Variants in CHRM2 observed in about 807,000 individuals in gnomAD.
CHRM2 encodes the protein muscarinic acetylcholine receptor M2.
In CHRM2, 8 loss-of-function variants were observed where a neutral mutation model predicts 25.0. The observed-to-expected ratio is 0.32, with a 90% CI of 0.19 to 0.58. The LOEUF (loss-of-function observed/expected upper bound fraction) is 0.58. CHRM2 is among the 20% of genes least tolerant of loss of function. The pLI is 0.88. For synonymous variants in CHRM2, 202 were observed against 205.7 expected, an observed-to-expected ratio of 0.98 and a Z score of 0.15; for missense variants, 440 against 567.1, an observed-to-expected ratio of 0.78 and a Z score of 2.28.
chr7:136,953,237 T>C (rs891042787), intron 2 of CHRM2, among the ~76,000 whole-genome samples: 2 of 152,164 alleles, frequency 1.3e-5, no homozygotes, highest in Non-Finnish European at 2.9e-5. Flanking sequence ...AAAATTAATA[T>C]ACAGTCTGAC....
intron 2 of CHRM2, chr7:136,872,113 G>A (rs12538445): frequency 6.6e-6 from 1 of 152,050 alleles, no homozygotes; most frequent in Non-Finnish European, 1.5e-5. Context: ...GGTGGGAATG[G>A]GGGAAAGTTT....
chr7:136,922,628 C>G (rs1798512716), intron 2 of CHRM2, among the ~76,000 whole-genome samples: 1 of 152,174 alleles, frequency 6.6e-6, no homozygotes, highest in African/African-American at 2.4e-5. Flanking sequence ...CTTTCCTCTG[C>G]ATCTTGGCGC....
chr7:137,003,209 AG>A (rs1804171075), intron 3 of CHRM2, among the ~76,000 whole-genome samples: 2 of 152,128 alleles, frequency 1.3e-5, no homozygotes, highest in African/African-American at 2.4e-5. Context: ...GCAGCCTGGT[AG>A]GGCTTGCTGC....
At chr7:136,988,775 T>C (rs1293953736) in intron 2 of CHRM2, among the ~76,000 whole-genome samples, 1 of 152,170 alleles carries the variant, frequency 6.6e-6, no homozygotes, top group Non-Finnish European at 1.5e-5. Context: ...TTATCTTGTG[T>C]TCTTGTCCTG....
chr7:137,005,121 T>C (rs1445211941), intron 3 of CHRM2, among the ~76,000 whole-genome samples: 2 of 152,092 alleles, frequency 1.3e-5, no homozygotes, highest in African/African-American at 4.8e-5. Context: ...CTCTGTACCC[T>C]ATACCTACAT....
At chr7:136,882,407 T>C (rs1796301851) in intron 2 of CHRM2, among the ~76,000 whole-genome samples, 2 of 150,376 alleles carry the variant, frequency 1.3e-5, no homozygotes, top group Non-Finnish European at 3.0e-5. Context: ...CCTCCCCCTC[T>C]TCACCTTCCT....
intron 3 of CHRM2, among the ~76,000 whole-genome samples, chr7:137,001,592 A>G (rs1163849134): frequency 6.6e-6 from 1 of 152,296 alleles, no homozygotes; most frequent in East Asian, 1.9e-4. Context: ...GGGGATGCAC[A>G]GACCTTTCAT....
chr7:136,874,916 G>A (rs1043448854), intron 2 of CHRM2, among the ~76,000 whole-genome samples: 6 of 151,280 alleles, frequency 4.0e-5, no homozygotes, highest in Non-Finnish European at 7.4e-5. Context: ...AGATGCCACC[G>A]AGATATCCCT....
chr7:136,924,782 A>G (rs1255605955), intron 2 of CHRM2, among the ~76,000 whole-genome samples: 2 of 151,986 alleles, frequency 1.3e-5, no homozygotes, highest in African/African-American at 4.8e-5. Flanking sequence ...GGCAGCCCCA[A>G]TTGTCATGAA....
chr7:136,989,815 CA>C (rs1448040016), intron 2 of CHRM2, among the ~76,000 whole-genome samples: 3 of 152,070 alleles, frequency 2.0e-5, no homozygotes, highest in Non-Finnish European at 4.4e-5. Flanking sequence ...CAAATTTATT[CA>C]TAGTACTTCC....
rs112659942 is a variant in CHRM2, at chr7:136,964,224, A to AAT, written c.-124-27950_-124-27949dup. Among the ~76,000 whole-genome samples the AAT allele has an allele frequency of 4.8e-3, 724 of 151,452 alleles. 3 individuals are homozygous for AAT. The highest frequency in any genetic ancestry group is 0.016 in the African/African-American group (646 of 41,336). On this transcript the variant is annotated intron_variant, in intron 2 of 3. Coordinates refer to ENST00000680005, the MANE Select transcript of CHRM2 (RefSeq NM_001006630.2). The stretch of plus-strand genomic sequence containing the variant: ...AGTTATTTGCCCTAAGAAATGGTTA[A>AAT]ATATATATATATATGTTTTTAAATG...
At chr7:136,930,898 C>CAAAAAAAAAAAAA (rs57705639) in intron 2 of CHRM2, among the ~76,000 whole-genome samples, 849 of 61,114 alleles carry the variant, frequency 0.014, 50 homozygotes, top group Non-Finnish European at 0.024. Flanking sequence ...CTCATTCTCT[C>CAAAAAAAAAAAAA]AAAAAAAAAA....
chr7:136,947,872 T>C (rs543752098), intron 2 of CHRM2, among the ~76,000 whole-genome samples: 11 of 152,294 alleles, frequency 7.2e-5, no homozygotes, highest in South Asian at 6.2e-4. Flanking sequence ...TAGGCCTTTC[T>C]GTCTTAATAG....
intron 2 of CHRM2, among the ~76,000 whole-genome samples, chr7:136,962,375 T>A (rs1236852996): frequency 6.6e-6 from 1 of 152,146 alleles, no homozygotes; most frequent in African/African-American, 2.4e-5. Context: ...CCTCAAGTGA[T>A]CAGCCTGTCT....
At chr7:136,958,372 C>T (rs1800849587) in intron 2 of CHRM2, among the ~76,000 whole-genome samples, 1 of 150,728 alleles carries the variant, frequency 6.6e-6, no homozygotes, top group African/African-American at 2.4e-5. Flanking sequence ...TTATTTTATT[C>T]ACTTCTATTT....
At chr7:136,942,882 T>G (rs1434411470) in intron 2 of CHRM2, among the ~76,000 whole-genome samples, 1 of 152,058 alleles carries the variant, frequency 6.6e-6, no homozygotes, top group Non-Finnish European at 1.5e-5. Context: ...CTTCAAAATT[T>G]TTCTTTGTCC....
Position 137,015,667 on chromosome 7 carries a change from G to C in CHRM2, c.802G>C (p.Asp268His). ...NKIQNGKAPR[D>H]PVTENCVQGE... ...AATCCAGAATGGCAAAGCCCCCAGG[G>C]ATCCTGTGACTGAAAACTGTGTTCA... Residue 268 changes from aspartate (D) to histidine (H), a missense_variant, in exon 4 of 4, where the codon GAT (aspartate) becomes CAT (histidine). By Grantham distance (81) the Asp-to-His change is moderately conservative. Coordinates refer to ENST00000680005, the MANE Select transcript of CHRM2 (RefSeq NM_001006630.2). The surrounding 1 kb of genome is among the most constrained non-coding windows in gnomAD (Gnocchi z 5.1). The C allele has an allele frequency of 6.2e-7, 1 of 1,613,040 alleles. No homozygotes were observed.
intron 2 of CHRM2, chr7:136,938,466 G>A (rs1799549644): frequency 8.6e-7 from 1 of 1,164,412 alleles, no homozygotes; most frequent in African/African-American, 1.5e-5. Flanking sequence ...TCCCCTGGAT[G>A]CGCACGGCCT....
chr7:136,921,548 G>A (rs371953703), intron 2 of CHRM2, among the ~76,000 whole-genome samples: 8 of 152,040 alleles, frequency 5.3e-5, no homozygotes, highest in South Asian at 2.1e-4. Flanking sequence ...TAATTTACCC[G>A]TATTGCTAGT....
Sources: allele counts gnomAD v4.1 joint callset (sites outside exome capture counted in the v4.1 genomes callset), GRCh38; gene constraint gnomAD v4.1.1; non-coding constraint Gnocchi (gnomAD v3.1); transcripts MANE v1.5; gene names NCBI Gene and HGNC (gene_info 2026-07-23, HGNC 2026-07-21).